The following MROH1 variants were observed in gnomAD, a reference collection of about 807,000 sequenced individuals.
The protein encoded by MROH1 is maestro heat-like repeat-containing protein family member 1.
In MROH1, 117 loss-of-function variants were observed where a neutral mutation model predicts 116.5. That is an observed-to-expected ratio of 1.00 (90% confidence interval 0.86 to 1.17). The LOEUF (loss-of-function observed/expected upper bound fraction) is 1.17, where lower values mean the gene tolerates loss of function less well. MROH1 is among the 50% of genes most tolerant of loss of function. The probability of loss-of-function intolerance (pLI) is 0.00; values close to 1 mark genes in which losing one functional copy is unlikely to be tolerated. For synonymous variants in MROH1, 921 were observed against 583.9 expected, an observed-to-expected ratio of 1.58 and a Z score of -8.32; for missense variants, 1,873 against 1,338.5, an observed-to-expected ratio of 1.40 and a Z score of -6.23.
At chr8:144,186,301 T>C (rs1243250292) in intron 7 of MROH1, among the ~76,000 whole-genome samples, 2 of 152,050 alleles carry the variant, frequency 1.3e-5, no homozygotes, top group Non-Finnish European at 2.9e-5. Flanking sequence ...TTTGTATTTT[T>C]AGTAGAGACG....
chr8:144,225,752 G>A (rs1391117810), intron 14 of MROH1, among the ~76,000 whole-genome samples: 1 of 151,718 alleles, frequency 6.6e-6, no homozygotes, highest in African/African-American at 2.4e-5. Flanking sequence ...TAGACACAGA[G>A]TTTTACCATG....
Position 144,200,507 on chromosome 8 carries a change from C to A in MROH1, c.1107C>A (p.Thr369=). Residue 369 remains threonine (T), a synonymous_variant, in exon 12 of 44, where the codon ACC becomes ACA. Transcript: ENST00000326134. ...GCAATGAGAGGACCCGCGTGGGCAC[C>A]CTGCAGGTGGTCAGACATGTCATCA... is the stretch of plus-strand genomic sequence containing the variant. ...DTSNERTRVG[T]LQVVRHVINS... The A allele has an allele frequency of 6.4e-7, 1 of 1,551,580 alleles. No homozygotes were observed. Among genetic ancestry groups the A allele is most frequent in the Non-Finnish European group, 8.7e-7 (1 of 1,147,468 alleles).
At chr8:144,181,571 C>G (rs927165686) in intron 7 of MROH1, among the ~76,000 whole-genome samples, 1 of 152,200 alleles carries the variant, frequency 6.6e-6, no homozygotes, top group Non-Finnish European at 1.5e-5. Flanking sequence ...TTCACAGGCT[C>G]TTTCTCACCT....
rs117559138 is a variant in MROH1, at chr8:144,212,153, G to A, written c.1142-8447G>A. ...GGGTGGAGTGTAGCGGCTCAAACAC[G>A]GCTCACTGCAACCCTAACCTCCTGG... On this transcript the variant is annotated intron_variant, in intron 12 of 43. Transcript: ENST00000326134. Among the ~76,000 whole-genome samples the A allele has an allele frequency of 1.5e-3, 225 of 151,988 alleles. 2 individuals are homozygous for A. In the East Asian group the frequency reaches 0.022, roughly 15 times the overall value.
At chr8:144,156,242 A>C (rs1038023401) in intron 1 of MROH1, among the ~76,000 whole-genome samples, 10 of 109,636 alleles carry the variant, frequency 9.1e-5, no homozygotes, top group Non-Finnish European at 1.6e-5. Flanking sequence ...CGTCTCAAAG[A>C]AAAAAAAAAA....
At position 144,180,344 on chromosome 8, in the gene MROH1, G is replaced by C; in HGVS notation, c.463+4G>C. 6.2e-7 allele frequency: 1 copy of C among 1,605,638 alleles called. No homozygotes were observed. The highest frequency in any genetic ancestry group is 8.5e-7 in the Non-Finnish European group (1 of 1,178,556). On this transcript the variant is annotated splice_donor_region_variant and intron_variant, in intron 6 of 43. Coordinates refer to ENST00000326134, the MANE Select transcript of MROH1 (RefSeq NM_032450.3). This position sits in a 1 kb window ranked among gnomAD's most constrained non-coding sequence, Gnocchi z 7.4. ...GCCAGCCTCTCGGTGGCCAACGGTA[G>C]GTGACGCGCGGCCTGCCCCAGGAGG...
intron 4 of MROH1, among the ~76,000 whole-genome samples, chr8:144,169,421 T>C (rs938556667): frequency 4.7e-5 from 7 of 149,324 alleles, no homozygotes; most frequent in Non-Finnish European, 1.0e-4. Context: ...TTTATTTATA[T>C]TTTTATTTTT....
intron 1 of MROH1, among the ~76,000 whole-genome samples, chr8:144,157,385 A>G (rs1368174347): frequency 6.6e-6 from 1 of 152,082 alleles, no homozygotes; most frequent in Non-Finnish European, 1.5e-5. Context: ...GCTTTCTTAC[A>G]AGGTCTTTGG....
At chr8:144,202,773 G>T (rs1831628996) in intron 12 of MROH1, among the ~76,000 whole-genome samples, 1 of 96,708 alleles carries the variant, frequency 1.0e-5, no homozygotes, top group Admixed American at 1.2e-4. Flanking sequence ...AGGAGCACCC[G>T]CTGTCTGTGG....
At chr8:144,255,792 A>G in intron 35 of MROH1, 87 bp downstream of exon 35, 1 of 676,352 alleles carries the variant, frequency 1.5e-6, no homozygotes, top group South Asian at 1.6e-5. Flanking sequence ...CGGACGGCAG[A>G]TCTGAACCAC....
intron 27 of MROH1, 42 bp from the exon 28 acceptor site, chr8:144,244,402 C>T (rs985362474): frequency 1.5e-5 from 11 of 727,768 alleles, no homozygotes; most frequent in Admixed American, 5.9e-5. Context: ...CTGTAGGCTG[C>T]GGGGTCACTG....
At chr8:144,260,875 A>G in intron 40 of MROH1, 32 bp from the exon 41 acceptor site, 1 of 777,644 alleles carries the variant, frequency 1.3e-6, no homozygotes, top group Admixed American at 1.7e-5. Context: ...GGTGGCCTCA[A>G]CTGGACTTGG....
At chr8:144,161,617 A>G (rs1458083655) in intron 2 of MROH1, among the ~76,000 whole-genome samples, 1 of 152,110 alleles carries the variant, frequency 6.6e-6, no homozygotes, top group Admixed American at 6.5e-5. Context: ...CCTGAGAAAC[A>G]GTGGTTTCTT....
intron 10 of MROH1, among the ~76,000 whole-genome samples, chr8:144,198,063 A>AAAG (rs1830339273): frequency 1.4e-5 from 2 of 145,864 alleles, no homozygotes; most frequent in South Asian, 4.1e-4. Flanking sequence ...AAAAAAAAAA[A>AAAG]AGAAAGAAAA....
chr8:144,230,036 A>AAT (rs1564525488), intron 14 of MROH1, among the ~76,000 whole-genome samples: 3 of 150,192 alleles, frequency 2.0e-5, no homozygotes, highest in African/African-American at 7.3e-5. Context: ...TCTGTCTCAA[A>AAT]AATAATAATA....
At chr8:144,239,843 C>T (rs1194912643) in intron 18 of MROH1, 88 bp downstream of exon 18, 7 of 697,380 alleles carry the variant, frequency 1.0e-5, no homozygotes, top group Non-Finnish European at 1.6e-5. Context: ...CCCACCTTTG[C>T]CAAGTGGCAC....
chr8:144,189,640 G>T (rs889577663), intron 7 of MROH1, among the ~76,000 whole-genome samples: 4 of 152,196 alleles, frequency 2.6e-5, no homozygotes, highest in Admixed American at 2.6e-4. Flanking sequence ...ACAGTCACTG[G>T]CACACTGTCA....
At chr8:144,247,796 G>A in intron 31 of MROH1, 117 bp downstream of exon 31, 1 of 695,226 alleles carries the variant, frequency 1.4e-6, no homozygotes, top group Non-Finnish European at 2.6e-6. Context: ...CATGGCCAGT[G>A]GGCATGAGCA....
chr8:144,167,167 G>A (rs1274621065), intron 3 of MROH1, among the ~76,000 whole-genome samples: 2 of 151,882 alleles, frequency 1.3e-5, no homozygotes, highest in Admixed American at 6.6e-5. Flanking sequence ...GGAGGGTCTT[G>A]TTGGGGTGGA....
Sources: gnomAD v4.1 joint callset for allele counts (sites outside exome capture counted in the v4.1 genomes callset) on GRCh38, gnomAD v4.1.1 for gene constraint, Gnocchi (gnomAD v3.1) non-coding constraint, MANE v1.5 for transcripts, NCBI Gene and HGNC (gene_info 2026-07-23, HGNC 2026-07-21) for gene names.